Variants in MACROD2 observed in about 807,000 individuals in gnomAD.
MACROD2 encodes ADP-ribose glycohydrolase MACROD2.
In MACROD2, 36 loss-of-function variants were observed where a neutral mutation model predicts 70.4. The ratio of observed to expected loss-of-function variants is 0.51; its 90% CI spans 0.39 to 0.68. MACROD2 has a LOEUF of 0.68. Among genes scored for constraint, MACROD2 ranks in the 30% least tolerant of loss-of-function variants. MACROD2 has a pLI of 0.00. For missense variants in MACROD2, 496 were observed against 538.4 expected, an observed-to-expected ratio of 0.92 and a Z score of 0.78; for synonymous variants, 172 against 178.8, an observed-to-expected ratio of 0.96 and a Z score of 0.30.
chr20:15,352,954 T>A lies in MACROD2; in HGVS notation c.541-78451T>A, dbSNP rs1270807288. 4.6e-5 allele frequency among the ~76,000 whole-genome samples: 7 copies of A among 151,508 alleles called. No individual in the cohort carries two copies. In the East Asian group the frequency reaches 1.2e-3, roughly 25 times the overall value. ...AAGGTAATTTATAGATTCAATGCCATCCCCATCAAGCTACCAATGACTTTC... is the reference window on the plus strand; with the variant it reads ...AAGGTAATTTATAGATTCAATGCCAACCCCATCAAGCTACCAATGACTTTC... On this transcript the variant is annotated intron_variant, in intron 6 of 17. Transcript: ENST00000684519.
At chr20:15,874,051 C>T (rs2064626644) in intron 9 of MACROD2, among the ~76,000 whole-genome samples, 1 of 150,506 alleles carries the variant, frequency 6.6e-6, no homozygotes, top group Admixed American at 6.7e-5. Context: ...TCTCCTAACG[C>T]TATCCCTCCC....
intron 6 of MACROD2, among the ~76,000 whole-genome samples, chr20:15,326,225 T>G (rs770984147): frequency 1.3e-5 from 2 of 152,120 alleles, no homozygotes; most frequent in African/African-American, 2.4e-5. Context: ...CTTGATAATA[T>G]AATTTATCTT....
intron 3 of MACROD2, among the ~76,000 whole-genome samples, chr20:14,469,831 C>G (rs949252442): frequency 6.6e-6 from 1 of 151,944 alleles, no homozygotes. Flanking sequence ...ATTCCTCTAA[C>G]CTTTTTTCAA....
intron 3 of MACROD2, among the ~76,000 whole-genome samples, chr20:14,190,450 T>TAACATGGGA (rs1311224368): frequency 2.0e-5 from 3 of 151,706 alleles, no homozygotes; most frequent in Non-Finnish European, 4.4e-5. Flanking sequence ...TTATCCATGC[T>TAACATGGGA]AACATGGGAT....
At chr20:14,953,647 A>AC (rs1265409335) in intron 5 of MACROD2, among the ~76,000 whole-genome samples, 1 of 152,142 alleles carries the variant, frequency 6.6e-6, no homozygotes, top group Non-Finnish European at 1.5e-5. Context: ...GAGTGCTCTG[A>AC]CCCATCAGAT....
At chr20:14,056,898 G>A (rs1362409938) in intron 2 of MACROD2, among the ~76,000 whole-genome samples, 1 of 150,926 alleles carries the variant, frequency 6.6e-6, no homozygotes, top group African/African-American at 2.4e-5. Flanking sequence ...TATTACTGTT[G>A]TGTGTTTGTC....
intron 3 of MACROD2, among the ~76,000 whole-genome samples, chr20:14,262,187 A>G (rs1293753699): frequency 6.6e-6 from 1 of 152,224 alleles, no homozygotes; most frequent in African/African-American, 2.4e-5. Context: ...GAGGCTAAGT[A>G]TAAAAGATCT....
chr20:14,198,795 A>G (rs2081454966), intron 3 of MACROD2, among the ~76,000 whole-genome samples: 1 of 151,992 alleles, frequency 6.6e-6, no homozygotes, highest in Non-Finnish European at 1.5e-5. Flanking sequence ...GTAAGTATTC[A>G]TGAAGACAAA....
At chr20:15,516,030 C>T (rs147184438) in intron 8 of MACROD2, among the ~76,000 whole-genome samples, 114 of 152,332 alleles carry the variant, frequency 7.5e-4, no homozygotes, top group African/African-American at 2.5e-3. Flanking sequence ...GATGGGCACA[C>T]GGCTTACCCC....
intron 6 of MACROD2, among the ~76,000 whole-genome samples, chr20:15,300,456 C>A (rs991709526): frequency 4.6e-5 from 7 of 152,156 alleles, no homozygotes; most frequent in Non-Finnish European, 1.0e-4. Context: ...AACCACTGTT[C>A]TAACCTTCCA....
intron 3 of MACROD2, among the ~76,000 whole-genome samples, chr20:14,111,401 A>G (rs951179134): frequency 1.3e-5 from 2 of 152,050 alleles, no homozygotes; most frequent in African/African-American, 4.8e-5. Flanking sequence ...ACAGTAAATG[A>G]AACAACAAAG....
chr20:14,345,985 T>C lies in MACROD2; in HGVS notation c.272-147494T>C, dbSNP rs185970220. On this transcript the variant is annotated intron_variant, in intron 3 of 17. Coordinates refer to ENST00000684519, the MANE Select transcript of MACROD2 (RefSeq NM_001351661.2). ...GGTGGGCACCTGTAGTCCCAGCTAC[T>C]TGGGAGGCTGAGGCAGGAGAATGGC... 1.5e-4 allele frequency among the ~76,000 whole-genome samples: 23 copies of C among 149,118 alleles called. No homozygotes were observed. The East Asian group carries it at 4.4e-3, about 28-fold the overall frequency.
At chr20:14,372,887 A>G (rs554915705) in intron 3 of MACROD2, among the ~76,000 whole-genome samples, 1 of 152,284 alleles carries the variant, frequency 6.6e-6, no homozygotes, top group Non-Finnish European at 1.5e-5. Flanking sequence ...GTCTCGCCTT[A>G]TTCTACCATG....
intron 5 of MACROD2, among the ~76,000 whole-genome samples, chr20:14,931,880 T>C (rs1302227998): frequency 6.6e-6 from 1 of 151,634 alleles, no homozygotes; most frequent in African/African-American, 2.4e-5. Flanking sequence ...CACATGCCTG[T>C]AATCCCAGCT....
At chr20:14,792,506 T>G (rs1171934458) in intron 5 of MACROD2, among the ~76,000 whole-genome samples, 1 of 152,048 alleles carries the variant, frequency 6.6e-6, no homozygotes, top group Non-Finnish European at 1.5e-5. Flanking sequence ...AATCATTTGG[T>G]GATCTGCCGA....
chr20:15,853,761 A>C (rs1264462446), intron 8 of MACROD2, among the ~76,000 whole-genome samples: 2 of 152,152 alleles, frequency 1.3e-5, no homozygotes, highest in Non-Finnish European at 2.9e-5. Flanking sequence ...TGACACCTTG[A>C]TTTTAGCCTG....
intron 5 of MACROD2, among the ~76,000 whole-genome samples, chr20:14,926,031 A>G (rs1006314022): frequency 2.6e-5 from 4 of 152,168 alleles, no homozygotes; most frequent in Non-Finnish European, 5.9e-5. Flanking sequence ...GTCTCTTCAC[A>G]TGGTCATTGA....
intron 2 of MACROD2, among the ~76,000 whole-genome samples, chr20:14,085,095 A>G (rs2054060761): frequency 6.6e-6 from 1 of 151,238 alleles, no homozygotes; most frequent in Non-Finnish European, 1.5e-5. Context: ...CCCGGAAGAC[A>G]GGGGTTGCAG....
At chr20:15,371,386 T>C (rs2045491737) in intron 6 of MACROD2, among the ~76,000 whole-genome samples, 1 of 152,188 alleles carries the variant, frequency 6.6e-6, no homozygotes, top group Non-Finnish European at 1.5e-5. Context: ...TCATAACTGC[T>C]TTATCCAGAA....
Sources: allele counts gnomAD v4.1 joint callset (sites outside exome capture counted in the v4.1 genomes callset), GRCh38; gene constraint gnomAD v4.1.1; transcripts MANE v1.5; gene names NCBI Gene and HGNC (gene_info 2026-07-23, HGNC 2026-07-21).